Variants in DAB2IP observed in about 807,000 individuals in gnomAD.
DAB2IP encodes the protein DAB2 interacting protein, also known as disabled homolog 2-interacting protein.
A neutral mutation model predicts 107.2 loss-of-function variants in DAB2IP; 28 were observed. The observed-to-expected ratio is 0.26, with a 90% CI of 0.19 to 0.36. DAB2IP has a LOEUF of 0.36. Ranked by LOEUF, DAB2IP falls within the 10% of genes least tolerant of loss-of-function variation. DAB2IP has a pLI of 1.00. For synonymous variants in DAB2IP, 755 were observed against 706.4 expected (o/e 1.07, Z -1.09); for missense variants, 1,400 against 1,644.7 (o/e 0.85, Z 2.57).
intron 3 of DAB2IP, among the ~76,000 whole-genome samples, chr9:121,730,553 G>A (rs1433064366): frequency 6.6e-6 from 1 of 152,234 alleles, no homozygotes; most frequent in African/African-American, 2.4e-5. Context: ...GTGGGTCCAG[G>A]CTCCGTAACT....
exon 10 of DAB2IP, chr9:121,768,458 C>G (rs1431292931): frequency 6.2e-7 from 1 of 1,614,232 alleles, no homozygotes; most frequent in South Asian, 1.1e-5. Flanking sequence ...GAATACATGT[C>G]CTTCATGAAC....
At chr9:121,739,655 A>G (rs185170169) in intron 3 of DAB2IP, among the ~76,000 whole-genome samples, 105 of 152,258 alleles carry the variant, frequency 6.9e-4, no homozygotes, top group African/African-American at 2.4e-3. Flanking sequence ...TGGCTTTGCT[A>G]CTGAGGCTCC....
At chr9:121,629,591 G>C (rs1397449496) in intron 1 of DAB2IP, among the ~76,000 whole-genome samples, 1 of 152,144 alleles carries the variant, frequency 6.6e-6, no homozygotes, top group Non-Finnish European at 1.5e-5. Flanking sequence ...CATAAAATAA[G>C]TGCCTGGGAG....
chr9:121,570,009 G>A (rs1330220831), intron 1 of DAB2IP, among the ~76,000 whole-genome samples: 1 of 151,994 alleles, frequency 6.6e-6, no homozygotes, highest in Non-Finnish European at 1.5e-5. Flanking sequence ...TGCCCAGGCT[G>A]GTCTAGAACT....
intron 2 of DAB2IP, among the ~76,000 whole-genome samples, chr9:121,683,188 C>T (rs1828683367): frequency 1.3e-5 from 2 of 152,172 alleles, no homozygotes; most frequent in Admixed American, 1.3e-4. Context: ...CCAGCTTCCC[C>T]AGGCCCTGGA....
intron 3 of DAB2IP, among the ~76,000 whole-genome samples, chr9:121,745,549 C>T (rs1236063418): frequency 6.6e-6 from 1 of 151,838 alleles, no homozygotes; most frequent in Non-Finnish European, 1.5e-5. Flanking sequence ...CATCCCTAGG[C>T]CCATAGCCCC....
chr9:121,776,426 A>C lies in DAB2IP; in HGVS notation c.3314+35A>C, dbSNP rs1376933083. 5 of 1,481,284 alleles carry C rather than the reference A, an allele frequency of 3.4e-6. No individual in the cohort carries two copies. Among genetic ancestry groups the C allele is most frequent in the East Asian group, 2.5e-5 (1 of 40,308 alleles). 91.8% of individuals were successfully genotyped at this position (1,481,284 alleles called of 1,614,324 possible). A position where few individuals can be genotyped will look rare whatever the true frequency, so the allele number is the denominator to read the frequency against. On this transcript the variant is annotated intron_variant, in intron 14 of 15. Transcript: ENST00000408936. The surrounding 1 kb of genome is among the most constrained non-coding windows in gnomAD (Gnocchi z 5.4). Reference sequence around the variant, plus strand: ...ACACCTGCCTGGCCTGGCCACAGGCACAGGCAGGGCAGCCATCGCTGCCTT... The same window carrying C: ...ACACCTGCCTGGCCTGGCCACAGGCCCAGGCAGGGCAGCCATCGCTGCCTT...
At chr9:121,730,735 C>T (rs529621388) in intron 3 of DAB2IP, among the ~76,000 whole-genome samples, 2 of 152,324 alleles carry the variant, frequency 1.3e-5, no homozygotes, top group East Asian at 3.9e-4. Flanking sequence ...GCACAGCTGG[C>T]ACTTTCTAGC....
upstream of DAB2IP, among the ~76,000 whole-genome samples, chr9:121,646,798 C>A (rs1398397601): frequency 6.6e-6 from 1 of 152,140 alleles, no homozygotes; most frequent in African/African-American, 2.4e-5. Flanking sequence ...TTCCACTCCC[C>A]CGTCTCTGCA....
rs757148245 is a variant in DAB2IP, at chr9:121,678,795, C to T, written c.228+14C>T. ...TTCCGGGTCACGGTAACTATCTCTG[C>T]GTCACCAACACCGCCACTGCCACCA... On this transcript the variant is annotated intron_variant, in intron 2 of 15. Transcript: ENST00000408936. 1.2e-5 allele frequency: 19 copies of T among 1,554,042 alleles called. No individual in the cohort carries two copies. The highest frequency in any genetic ancestry group is 9.6e-5 in the African/African-American group (7 of 73,172).
intron 1 of DAB2IP, among the ~76,000 whole-genome samples, chr9:121,621,944 C>A (rs1831483536): frequency 6.6e-6 from 1 of 151,164 alleles, no homozygotes; most frequent in East Asian, 1.9e-4. Flanking sequence ...TGTGAGCCAC[C>A]ATGCCTGACC....
intron 3 of DAB2IP, among the ~76,000 whole-genome samples, chr9:121,738,332 G>A (rs944545586): frequency 6.6e-6 from 1 of 152,174 alleles, no homozygotes; most frequent in Non-Finnish European, 1.5e-5. Flanking sequence ...AATAATCCAT[G>A]TCTGTCTCTC....
At chr9:121,732,864 A>G (rs1331603705) in intron 3 of DAB2IP, among the ~76,000 whole-genome samples, 2 of 152,146 alleles carry the variant, frequency 1.3e-5, no homozygotes, top group East Asian at 1.9e-4. Context: ...ATTAAAGGAG[A>G]TAATGTCTGT....
chr9:121,781,439 T>C (rs754946313), intron 14 of DAB2IP, 25 bp from the exon 15 acceptor site: 2 of 1,612,816 alleles, frequency 1.2e-6, no homozygotes, highest in Non-Finnish European at 1.7e-6. Context: ...AGGGCCAGTC[T>C]GACTGTCTCT....
At chr9:121,668,381 G>A (rs558712919) in intron 1 of DAB2IP, among the ~76,000 whole-genome samples, 8 of 151,808 alleles carry the variant, frequency 5.3e-5, no homozygotes, top group Non-Finnish European at 7.4e-5. Flanking sequence ...AGGATGACAC[G>A]CATGCATTAC....
chr9:121,743,991 A>G (rs953127219), intron 3 of DAB2IP, among the ~76,000 whole-genome samples: 19 of 152,210 alleles, frequency 1.2e-4, no homozygotes, highest in Non-Finnish European at 2.1e-4. Flanking sequence ...TTAAAATAAG[A>G]GGAAGCCCAG....
intron 3 of DAB2IP, chr9:121,737,123 T>G: frequency 1.1e-6 from 1 of 934,238 alleles, no homozygotes; most frequent in Non-Finnish European, 1.3e-6. Context: ...GGAGTCAGTA[T>G]GTTAGGGGAG....
exon 16 of DAB2IP, chr9:121,784,537 C>G (rs1231313008): frequency 6.5e-6 from 1 of 154,606 alleles, no homozygotes; most frequent in Non-Finnish European, 1.5e-5. Flanking sequence ...TTACCTAGTG[C>G]AAAAACTGTA....
intron 8 of DAB2IP, 149 bp from the exon 9 acceptor site, chr9:121,766,345 T>C: frequency 1.4e-6 from 1 of 700,888 alleles, no homozygotes; most frequent in Non-Finnish European, 2.4e-6. Flanking sequence ...TCTCCCCAGA[T>C]GGCTGTGTCC....
Sources: gnomAD v4.1 joint callset for allele counts (sites outside exome capture counted in the v4.1 genomes callset) on GRCh38, gnomAD v4.1.1 for gene constraint, Gnocchi (gnomAD v3.1) non-coding constraint, MANE v1.5 for transcripts, NCBI Gene and HGNC (gene_info 2026-07-23, HGNC 2026-07-21) for gene names.